NCAN: variants seen among roughly 807,000 people sequenced by gnomAD.
NCAN encodes neurocan.
A neutral mutation model predicts 121.8 loss-of-function variants in NCAN; 47 were observed. That is an observed-to-expected ratio of 0.39 (90% CI 0.31 to 0.49). The LOEUF is 0.49. Among genes scored for constraint, NCAN ranks in the 20% least tolerant of loss-of-function variants. NCAN has a pLI of 0.92. For missense variants in NCAN, 1,517 were observed against 1,773.4 expected (o/e 0.86, Z 2.60); for synonymous variants, 633 against 702.0 (o/e 0.90, Z 1.55).
chr19:19,224,301 G>A lies in NCAN; in HGVS notation c.651-5G>A. ...CTGAGAGGGACCCTCCCCTTGTGTT[G>A]TCAGGTATCCTATCACCCAGTCCCG... On this transcript the variant is annotated splice_polypyrimidine_tract_variant and splice_region_variant and intron_variant, in intron 4 of 14. Coordinates refer to ENST00000252575, the MANE Select transcript of NCAN (RefSeq NM_004386.3). 4 of 1,612,408 alleles carry A rather than the reference G, an allele frequency of 2.5e-6. No homozygotes were observed. The highest frequency in any genetic ancestry group is 3.4e-6 in the Non-Finnish European group (4 of 1,178,730).
At position 19,238,249 on chromosome 19, in the gene NCAN, C is replaced by T; in HGVS notation, c.3251-4C>T. ...CCCCCTCACGCTCCTATCCCATCTC[C>T]CAGACACCGAGGGCTGTGACCGCGG... is the stretch of plus-strand genomic sequence containing the variant. On this transcript the variant is annotated splice_region_variant and splice_polypyrimidine_tract_variant and intron_variant, in intron 10 of 14. Coordinates refer to ENST00000252575, the MANE Select transcript of NCAN (RefSeq NM_004386.3). 3 of 1,614,096 alleles carry T rather than the reference C, an allele frequency of 1.9e-6. No individual in the cohort carries two copies. The highest frequency in any genetic ancestry group is 2.5e-6 in the Non-Finnish European group (3 of 1,180,012).
intron 8 of NCAN, among the ~76,000 whole-genome samples, chr19:19,229,880 C>T (rs1327709767): frequency 6.6e-6 from 1 of 152,128 alleles, no homozygotes; most frequent in Non-Finnish European, 1.5e-5. Context: ...GAGTTAAGAC[C>T]AGGCTGGCCA....
chr19:19,213,048 G>A (rs1263569558), intron 1 of NCAN, among the ~76,000 whole-genome samples: 1 of 152,182 alleles, frequency 6.6e-6, no homozygotes, highest in Non-Finnish European at 1.5e-5. Context: ...ATCCCTACGC[G>A]TGGGGCTTTG....
At chr19:19,216,679 C>T (rs1239175867) in intron 1 of NCAN, among the ~76,000 whole-genome samples, 1 of 152,154 alleles carries the variant, frequency 6.6e-6, no homozygotes, top group African/African-American at 2.4e-5. Context: ...TGGCCTCAAG[C>T]AGTCCTCCCA....
rs1568597578 is a variant in NCAN, at chr19:19,227,744, TG to T, written c.2128del (p.Glu710ArgfsTer21). 6.2e-7 allele frequency: 1 copy of T among 1,613,758 alleles called. No individual in the cohort carries two copies. The highest frequency in any genetic ancestry group is 8.5e-7 in the Non-Finnish European group (1 of 1,180,002). ...ESPRADFRET[G>X]ETSPAQVNKA... ...CCCCCAGGGCAGACTTCAGAGAAAC[TG>T]GGGAGACCAGCCCTGCTCAGGTCAA... On this transcript the variant is annotated frameshift_variant, in exon 8 of 15. Coordinates refer to ENST00000252575, the MANE Select transcript of NCAN (RefSeq NM_004386.3). LOFTEE classifies it high-confidence loss of function. This position sits in a 1 kb window ranked among gnomAD's most constrained non-coding sequence, Gnocchi z 4.2.
Position 19,235,401 on chromosome 19 carries a change from G to A in NCAN, c.3250+305G>A, listed in dbSNP as rs140669692. On this transcript the variant is annotated intron_variant, in intron 10 of 14. Coordinates refer to ENST00000252575, the MANE Select transcript of NCAN (RefSeq NM_004386.3). ...TTTCCCTGCCTCAGCCTCCCAAGTA[G>A]CTGGGATTACAGGCGCCCGCCACCA... Among the ~76,000 whole-genome samples, 799 of 151,860 alleles carry A rather than the reference G, an allele frequency of 5.3e-3. 12 individuals are homozygous for A. The highest frequency in any genetic ancestry group is 0.018 in the African/African-American group (764 of 41,402).
At chr19:19,220,747 C>T (rs1331528608) in intron 3 of NCAN, among the ~76,000 whole-genome samples, 5 of 152,052 alleles carry the variant, frequency 3.3e-5, no homozygotes, top group East Asian at 1.9e-4. Context: ...CATGAGCCAC[C>T]GCACCTGGCA....
chr19:19,248,266 G>A (rs1032180425), intron 13 of NCAN, among the ~76,000 whole-genome samples: 6 of 152,040 alleles, frequency 3.9e-5, no homozygotes, highest in Non-Finnish European at 1.5e-5. Context: ...CCAATATGAC[G>A]AAACCCGGTC....
chr19:19,233,506 G>A (rs1166555747), intron 8 of NCAN, among the ~76,000 whole-genome samples: 1 of 152,170 alleles, frequency 6.6e-6, no homozygotes, highest in Admixed American at 6.5e-5. Flanking sequence ...AGGTCCTTCA[G>A]GCAGCCCTGG....
intron 6 of NCAN, 120 bp from the exon 7 acceptor site, chr19:19,226,366 G>T (rs2060836823): frequency 3.7e-6 from 3 of 809,624 alleles, no homozygotes; most frequent in East Asian, 2.6e-5. Flanking sequence ...AAACTACTTA[G>T]GAGAGACAGA....
rs534008907 is a variant in NCAN, at chr19:19,225,954, G to A, written c.1073-532G>A. ...TTTTTTTCTTTTTTCTTTTGAGACA[G>A]AGTCTCACTCTGTCACCCAGGCTGG... On this transcript the variant is annotated intron_variant, in intron 6 of 14. Coordinates refer to ENST00000252575, the MANE Select transcript of NCAN (RefSeq NM_004386.3). This position sits in a 1 kb window ranked among gnomAD's most constrained non-coding sequence, Gnocchi z 4.0. Among the ~76,000 whole-genome samples the A allele has an allele frequency of 4.6e-5, 7 of 152,144 alleles. No homozygotes were observed. Among genetic ancestry groups the A allele is most frequent in the Non-Finnish European group, 1.0e-4 (7 of 68,016 alleles).
chr19:19,244,842 C>T (rs1372695751), intron 12 of NCAN, among the ~76,000 whole-genome samples: 4 of 151,460 alleles, frequency 2.6e-5, no homozygotes, highest in Non-Finnish European at 5.9e-5. Flanking sequence ...AATTCTCCTG[C>T]TGGGATTACA....
chr19:19,214,883 G>A (rs1227948324), intron 1 of NCAN, among the ~76,000 whole-genome samples: 2 of 152,152 alleles, frequency 1.3e-5, no homozygotes, highest in African/African-American at 2.4e-5. Flanking sequence ...ACAGCCATGA[G>A]GGGACCCCAC....
chr19:19,243,810 G>A (rs1465970061), intron 12 of NCAN, among the ~76,000 whole-genome samples: 3 of 151,930 alleles, frequency 2.0e-5, no homozygotes, highest in African/African-American at 4.8e-5. Flanking sequence ...GGTGGATCGC[G>A]AGGTCAGGAG....
chr19:19,238,613 C>T lies in NCAN; in HGVS notation c.3409+202C>T, dbSNP rs1416419654. ...TGTTAATTCATACATTCACTTCATT[C>T]ATTCATTCACCAAATATTTACTGAG... On this transcript the variant is annotated intron_variant, in intron 11 of 14. Coordinates refer to ENST00000252575, the MANE Select transcript of NCAN (RefSeq NM_004386.3). 4.8e-6 allele frequency: 3 copies of T among 624,880 alleles called. No individual in the cohort carries two copies. In the African/African-American group the frequency reaches 5.5e-5, roughly 11 times the overall value. The allele number at this position is 624,880 out of a possible 1,614,324, so 38.7% of individuals were successfully genotyped here. A position where few individuals can be genotyped will look rare whatever the true frequency, so the allele number is the denominator to read the frequency against.
Position 19,224,021 on chromosome 19 carries a change from G to A in NCAN, c.476G>A (p.Gly159Asp). 1 of 1,516,374 alleles carries A rather than the reference G, an allele frequency of 6.6e-7. No homozygotes were observed. The highest frequency in any genetic ancestry group is 8.9e-7 in the Non-Finnish European group (1 of 1,126,982). 93.9% of individuals were successfully genotyped at this position (1,516,374 alleles called of 1,614,324 possible). The change falls in exon 4 of 15, where the codon GGT (glycine) becomes GAT (aspartate). Residue 159 changes from glycine to aspartate, a missense_variant and splice_region_variant. Gly to Asp is a moderately conservative substitution (Grantham distance 94). Transcript: ENST00000252575. ...EQDLVPLEVT[G>D]VVFHYRSARD... ...CCCCATCCTGGATGTTCCCCCACAG[G>A]TGTTGTGTTCCACTACCGATCAGCC...
rs752868038 is a variant in NCAN at position 19,227,550 on chromosome 19, C to T, written c.1930C>T (p.Leu644=). 1.9e-6 allele frequency: 3 copies of T among 1,613,692 alleles called. No homozygotes were observed. The Admixed American group carries it at 5.0e-5, about 27-fold the overall frequency. The change falls in exon 8 of 15, where the codon CTA becomes TTA. Residue 644 remains leucine, a synonymous_variant. Transcript: ENST00000252575. This position sits in a 1 kb window ranked among gnomAD's most constrained non-coding sequence, Gnocchi z 4.2. ...GCTGCGTGGTCCCAAAGAGTGGATG[C>T]TACCACACCCCACCCCCATCTCCAC... ...AMLRGPKEWM[L]PHPTPISTEA...
Position 19,219,128 on chromosome 19 carries a change from C to T in NCAN, c.287C>T (p.Ala96Val). 1 of 1,613,612 alleles carries T rather than the reference C, an allele frequency of 6.2e-7. No homozygotes were observed. Among genetic ancestry groups the T allele is most frequent in the Non-Finnish European group, 8.5e-7 (1 of 1,179,772 alleles). ...GQRQDLPILVAKDNVVRVAKS... is the reference protein window; with the variant it reads ...GQRQDLPILVVKDNVVRVAKS... ...CGACAGGACTTGCCCATCCTGGTGG[C>T]CAAGGACAATGTCGTGAGGGTGGCC... Residue 96 changes from alanine (A) to valine (V), a missense_variant, in exon 3 of 15, where the codon GCC becomes GTC. Ala to Val is a moderately conservative substitution (Grantham distance 64). Coordinates refer to ENST00000252575, the MANE Select transcript of NCAN (RefSeq NM_004386.3).
chr19:19,239,419 TAC>T (rs1195611810), intron 11 of NCAN, among the ~76,000 whole-genome samples: 1 of 109,788 alleles, frequency 9.1e-6, no homozygotes, highest in Non-Finnish European at 1.9e-5. Flanking sequence ...CCTCCTTCTA[TAC>T]CTCTTCCTCC....
Sources: gnomAD v4.1 joint callset for allele counts (sites outside exome capture counted in the v4.1 genomes callset) on GRCh38, gnomAD v4.1.1 for gene constraint, Gnocchi (gnomAD v3.1) non-coding constraint, MANE v1.5 for transcripts, NCBI Gene and HGNC (gene_info 2026-07-23, HGNC 2026-07-21) for gene names.